Variants in ANKFN1 observed in about 807,000 individuals in gnomAD.
ANKFN1 encodes the protein ankyrin repeat and fibronectin type-III domain-containing protein 1.
Under a neutral mutation model 108.7 loss-of-function variants are expected in ANKFN1, and 74 were observed. That is an observed-to-expected ratio of 0.68 (90% confidence interval 0.56 to 0.83). The LOEUF (loss-of-function observed/expected upper bound fraction) is 0.83. Among genes scored for constraint, ANKFN1 ranks in the 40% least tolerant of loss-of-function variants. The pLI, the probability that ANKFN1 is intolerant of heterozygous loss-of-function variation, is 0.00. For missense variants in ANKFN1, 1,505 were observed against 1,382.3 expected, an observed-to-expected ratio of 1.09 and a Z score of -1.41; for synonymous variants, 547 against 516.2, an observed-to-expected ratio of 1.06 and a Z score of -0.81.
intron 3 of ANKFN1, among the ~76,000 whole-genome samples, chr17:56,242,620 T>A (rs1917670169): frequency 6.6e-6 from 1 of 152,150 alleles, no homozygotes; most frequent in African/African-American, 2.4e-5. Context: ...CAAATAAGAA[T>A]AATTTTGTAT....
rs532782541 is a variant in ANKFN1 at position 56,074,018 on chromosome 17, T to C, written c.288+27693T>C. Among the ~76,000 whole-genome samples, 7 of 152,328 alleles carry C rather than the reference T, an allele frequency of 4.6e-5. No homozygotes were observed. In the South Asian group the frequency reaches 1.2e-3, roughly 27 times the overall value. ...ATTCGTTTGGGTATATACCTAGGAGTAGAATTTCTGGGTCATATGGTAATT... is the reference window on the plus strand; with the variant it reads ...ATTCGTTTGGGTATATACCTAGGAGCAGAATTTCTGGGTCATATGGTAATT... On this transcript the variant is annotated intron_variant, in intron 4 of 12. Transcript: ENST00000635860.
intron 3 of ANKFN1, among the ~76,000 whole-genome samples, chr17:56,306,336 A>G (rs761601913): frequency 3.0e-4 from 45 of 152,170 alleles, no homozygotes; most frequent in Non-Finnish European, 6.3e-4. Flanking sequence ...TTCCACTAGC[A>G]TTTTGTAGTT....
At chr17:56,374,391 G>A (rs1442783890) in intron 7 of ANKFN1, among the ~76,000 whole-genome samples, 1 of 152,142 alleles carries the variant, frequency 6.6e-6, no homozygotes, top group Non-Finnish European at 1.5e-5. Flanking sequence ...TACCTTTTCA[G>A]AAAATGTTCT....
intron 2 of ANKFN1, among the ~76,000 whole-genome samples, chr17:56,217,119 G>A (rs577809380): frequency 1.1e-4 from 16 of 152,226 alleles, no homozygotes; most frequent in Non-Finnish European, 2.4e-4. Context: ...GTGAATAATT[G>A]AGGATTGAAT....
intron 4 of ANKFN1, among the ~76,000 whole-genome samples, chr17:56,342,861 T>C (rs888379935): frequency 6.6e-6 from 1 of 152,098 alleles, no homozygotes; most frequent in African/African-American, 2.4e-5. Context: ...TCTGTCTTGG[T>C]GATCTGTCTT....
intron 3 of ANKFN1, among the ~76,000 whole-genome samples, chr17:56,302,426 G>T (rs1474311839): frequency 6.7e-6 from 1 of 149,584 alleles, no homozygotes; most frequent in Non-Finnish European, 1.5e-5. Flanking sequence ...GAGGTGGGAG[G>T]ATTGCTTGAG....
chr17:56,147,996 A>G (rs560760345), intron 4 of ANKFN1, among the ~76,000 whole-genome samples: 1 of 152,322 alleles, frequency 6.6e-6, no homozygotes, highest in East Asian at 1.9e-4. Context: ...TCTCTAAAGG[A>G]AGAACTGGTG....
chr17:56,480,892 T>G (rs2050674151), intron 17 of ANKFN1, 74 bp downstream of exon 17: 3 of 1,215,862 alleles, frequency 2.5e-6, no homozygotes, highest in Non-Finnish European at 2.2e-6. Flanking sequence ...AAGTGGGGTG[T>G]GTGTGTGTGT....
chr17:56,482,841 A>C (rs1276214684), intron 18 of ANKFN1, among the ~76,000 whole-genome samples: 1 of 152,156 alleles, frequency 6.6e-6, no homozygotes, highest in Admixed American at 6.5e-5. Context: ...CGATGTTTTC[A>C]TGAAAAGCAC....
rs2145494401 is a variant in ANKFN1 at position 56,510,611 on chromosome 17, C to CCCTTAGCGG, written c.2787_2795dup (p.Leu932_Gly934dup). The CCCTTAGCGG allele has an allele frequency of 1.3e-6, 2 of 1,536,210 alleles. No individual in the cohort carries two copies. Among genetic ancestry groups the CCCTTAGCGG allele is most frequent in the East Asian group, 2.4e-5 (1 of 40,912 alleles). ...TCATCTCACGACATTGCGCAGCAGA[C>CCCTTAGCGG]CCTTAGCGGCCTAAGCGGCAGCGCC... On this transcript the variant is annotated inframe_insertion, in exon 21 of 21. Coordinates refer to ENST00000682825, the MANE Select transcript of ANKFN1 (RefSeq NM_001370326.1).
At chr17:56,347,970 T>C (rs2046149605) in intron 4 of ANKFN1, among the ~76,000 whole-genome samples, 1 of 152,006 alleles carries the variant, frequency 6.6e-6, no homozygotes. Context: ...TTGGGAACAA[T>C]AATGATGTAG....
intron 1 of ANKFN1, among the ~76,000 whole-genome samples, chr17:56,172,018 A>G (rs1214060871): frequency 6.6e-6 from 1 of 152,206 alleles, no homozygotes; most frequent in African/African-American, 2.4e-5. Context: ...ATAGCAAAAA[A>G]ACAAAAACAA....
intron 3 of ANKFN1, among the ~76,000 whole-genome samples, chr17:56,276,862 A>G (rs1464085142): frequency 1.3e-5 from 2 of 152,268 alleles, no homozygotes; most frequent in Middle Eastern, 3.4e-3. Flanking sequence ...ATTTCAATTC[A>G]TCATAGGGTA....
chr17:56,345,677 C>A (rs1259639991), intron 4 of ANKFN1, among the ~76,000 whole-genome samples: 1 of 152,036 alleles, frequency 6.6e-6, no homozygotes, highest in Admixed American at 6.6e-5. Flanking sequence ...GTTTGTTGGC[C>A]ACATAAATGT....
intron 4 of ANKFN1, among the ~76,000 whole-genome samples, chr17:56,113,099 G>C (rs1906066698): frequency 6.6e-6 from 1 of 152,092 alleles, no homozygotes; most frequent in South Asian, 2.1e-4. Context: ...TTTACACTGT[G>C]TGATGGTGTG....
chr17:56,501,737 G>A (rs1001213751), intron 20 of ANKFN1, among the ~76,000 whole-genome samples: 1 of 152,174 alleles, frequency 6.6e-6, no homozygotes, highest in Non-Finnish European at 1.5e-5. Flanking sequence ...ACTGTGGAAG[G>A]ATCCCTGTGG....
intron 16 of ANKFN1, among the ~76,000 whole-genome samples, chr17:56,480,111 G>C (rs540493224): frequency 2.6e-5 from 4 of 152,316 alleles, no homozygotes; most frequent in South Asian, 4.1e-4. Flanking sequence ...TGGAAGCAGT[G>C]ATATGCATCC....
chr17:56,140,644 A>C (rs1021797016), intron 4 of ANKFN1, among the ~76,000 whole-genome samples: 1 of 152,146 alleles, frequency 6.6e-6, no homozygotes, highest in African/African-American at 2.4e-5. Flanking sequence ...TGTTCATCTA[A>C]AAAGAAGTGA....
chr17:56,058,111 C>A (rs572762756), intron 4 of ANKFN1, among the ~76,000 whole-genome samples: 89 of 152,120 alleles, frequency 5.9e-4, no homozygotes, highest in African/African-American at 1.9e-3. Flanking sequence ...TTTTAAAGGC[C>A]CTAGGGTATT....
Sources: gnomAD v4.1 joint callset for allele counts (sites outside exome capture counted in the v4.1 genomes callset) on GRCh38, gnomAD v4.1.1 for gene constraint, MANE v1.5 for transcripts, NCBI Gene and HGNC (gene_info 2026-07-23, HGNC 2026-07-21) for gene names.